The following ACOXL variants were observed in gnomAD, a reference collection of about 807,000 sequenced individuals.
ACOXL encodes the protein acyl-CoA oxidase like.
In ACOXL, 70 loss-of-function variants were observed where a neutral mutation model predicts 71.9. That is an observed-to-expected ratio of 0.97 (90% confidence interval 0.80 to 1.19). The LOEUF is 1.19. ACOXL is among the 50% of genes most tolerant of loss of function. The pLI, the probability that ACOXL is intolerant of heterozygous loss-of-function variation, is 0.00. For synonymous variants in ACOXL, 253 were observed against 281.6 expected (o/e 0.90, Z 1.02); for missense variants, 703 against 736.3 (o/e 0.95, Z 0.52).
intron 1 of ACOXL, among the ~76,000 whole-genome samples, chr2:110,768,081 G>C (rs539583703): frequency 6.6e-6 from 1 of 152,108 alleles, no homozygotes; most frequent in African/African-American, 2.4e-5. Flanking sequence ...GCAGTGAGCC[G>C]AGATTGCACT....
At chr2:111,000,047 C>G (rs2063552089) in intron 14 of ACOXL, among the ~76,000 whole-genome samples, 1 of 152,096 alleles carries the variant, frequency 6.6e-6, no homozygotes, top group Non-Finnish European at 1.5e-5. Context: ...ATAACAAAAG[C>G]CTAAATGGGA....
chr2:110,829,658 G>A (rs1427178386), intron 9 of ACOXL, among the ~76,000 whole-genome samples: 1 of 152,196 alleles, frequency 6.6e-6, no homozygotes, highest in East Asian at 1.9e-4. Flanking sequence ...CCTGCCAGAA[G>A]CCTGGTCTGA....
chr2:110,950,854 C>T (rs373823162), intron 12 of ACOXL, among the ~76,000 whole-genome samples: 1 of 142,118 alleles, frequency 7.0e-6, no homozygotes, highest in East Asian at 2.8e-4. Flanking sequence ...TGGAATTTAG[C>T]TCTCATGAGA....
chr2:110,752,719 G>A (rs986456181), intron 1 of ACOXL, among the ~76,000 whole-genome samples: 1 of 151,814 alleles, frequency 6.6e-6, no homozygotes, highest in African/African-American at 2.4e-5. Context: ...TGTCATGTCC[G>A]TCAATTTTGT....
In ACOXL at chr2:110,794,148, G is replaced by A. The variant is rs150003283; in HGVS notation, c.319G>A (p.Glu107Lys). The A allele has an allele frequency of 5.6e-3, 9,043 of 1,614,154 alleles. 83 individuals carry two copies. Among genetic ancestry groups the A allele is most frequent in the South Asian group, 0.028 (2,551 of 91,078 alleles). ...GAGCAACGCGAGAGGGATCCAGACC[G>A]AAGCCACCTTTGACCTCTCTGCCCA... ...HGSNARGIQTEATFDLSAQEF... is the reference protein window; with the variant it reads ...HGSNARGIQTKATFDLSAQEF... Residue 107 changes from glutamate (E) to lysine (K), a missense_variant, in exon 5 of 18, where the codon GAA becomes AAA. Glu to Lys is a moderately conservative substitution (Grantham distance 56). Transcript: ENST00000439055.
At chr2:110,818,590 C>G (rs1186450646) in intron 9 of ACOXL, among the ~76,000 whole-genome samples, 1 of 151,280 alleles carries the variant, frequency 6.6e-6, no homozygotes, top group Admixed American at 6.6e-5. Context: ...TATATATACT[C>G]TATGCCTATG....
intron 16 of ACOXL, among the ~76,000 whole-genome samples, chr2:111,081,004 A>G (rs1481409079): frequency 2.0e-5 from 3 of 152,240 alleles, no homozygotes; most frequent in Admixed American, 6.5e-5. Context: ...TAAACTAGGT[A>G]TCGATGGAAT....
intron 1 of ACOXL, among the ~76,000 whole-genome samples, chr2:110,754,049 T>C (rs1015173515): frequency 2.6e-5 from 4 of 151,304 alleles, no homozygotes; most frequent in Non-Finnish European, 4.4e-5. Flanking sequence ...TGTGTGTGTG[T>C]GTGTGTGTGT....
At chr2:110,906,972 A>G (rs1000557713) in intron 10 of ACOXL, among the ~76,000 whole-genome samples, 1 of 152,272 alleles carries the variant, frequency 6.6e-6, no homozygotes, top group African/African-American at 2.4e-5. Flanking sequence ...GAATCACAGC[A>G]TGTAAAAATG....
At chr2:111,008,679 T>A (rs1003526132) in intron 14 of ACOXL, among the ~76,000 whole-genome samples, 6 of 152,170 alleles carry the variant, frequency 3.9e-5, no homozygotes, top group Admixed American at 6.5e-5. Flanking sequence ...GCATTTGTAG[T>A]TTTGTTAGGT....
intron 16 of ACOXL, among the ~76,000 whole-genome samples, chr2:111,083,358 A>G (rs1558950193): frequency 1.3e-5 from 2 of 152,144 alleles, no homozygotes; most frequent in African/African-American, 2.4e-5. Context: ...TCATAGTTAT[A>G]GTTTATTACA....
At chr2:111,033,651 TTGG>T (rs1358832937) in intron 15 of ACOXL, among the ~76,000 whole-genome samples, 18 of 152,130 alleles carry the variant, frequency 1.2e-4, no homozygotes, top group Admixed American at 1.2e-3. Context: ...CCTTCTTCTG[TTGG>T]TGGGTTATTT....
chr2:110,801,129 C>G (rs147867840), intron 7 of ACOXL, among the ~76,000 whole-genome samples: 1 of 152,186 alleles, frequency 6.6e-6, no homozygotes, highest in African/African-American at 2.4e-5. Context: ...CTCCCCACTC[C>G]GCACTGCTTC....
chr2:110,945,629 C>T (rs1455186063), intron 12 of ACOXL, among the ~76,000 whole-genome samples: 1 of 152,092 alleles, frequency 6.6e-6, no homozygotes, highest in African/African-American at 2.4e-5. Flanking sequence ...TTTTTGTCAT[C>T]TTTGTCGAAG....
chr2:111,115,843 T>G (rs972877746), intron 17 of ACOXL, among the ~76,000 whole-genome samples: 1 of 152,230 alleles, frequency 6.6e-6, no homozygotes, highest in Admixed American at 6.5e-5. Flanking sequence ...TGAACACTTA[T>G]GAGTGAAGAA....
chr2:110,841,289 G>A (rs944410910), intron 9 of ACOXL, 82 bp from the exon 10 acceptor site: 1 of 990,972 alleles, frequency 1.0e-6, no homozygotes, highest in Non-Finnish European at 1.5e-6. Flanking sequence ...AACGTAATTG[G>A]CCGTATCAAG....
chr2:110,987,361 A>G (rs2062978742), intron 13 of ACOXL, 144 bp downstream of exon 13: 3 of 678,116 alleles, frequency 4.4e-6, no homozygotes, highest in African/African-American at 1.8e-5. Context: ...TAAAATGAAT[A>G]CTCATACACT....
At chr2:110,947,547 C>T (rs935572979) in intron 12 of ACOXL, among the ~76,000 whole-genome samples, 5 of 152,216 alleles carry the variant, frequency 3.3e-5, no homozygotes, top group Admixed American at 1.3e-4. Context: ...ACTTGATTCT[C>T]TTTCCTTTCC....
intron 12 of ACOXL, among the ~76,000 whole-genome samples, chr2:110,962,244 G>T (rs1254162875): frequency 6.6e-6 from 1 of 152,252 alleles, no homozygotes; most frequent in Non-Finnish European, 1.5e-5. Context: ...GGGTGGAAAT[G>T]AGTCCACTGT....
Sources: gnomAD v4.1 joint callset for allele counts (sites outside exome capture counted in the v4.1 genomes callset) on GRCh38, gnomAD v4.1.1 for gene constraint, MANE v1.5 for transcripts, NCBI Gene and HGNC (gene_info 2026-07-23, HGNC 2026-07-21) for gene names.